The following SLC30A6 variants were observed in gnomAD, a reference collection of about 807,000 sequenced individuals.
The protein encoded by SLC30A6 is zinc transporter 6.
Under a neutral mutation model 63.0 loss-of-function variants are expected in SLC30A6, and 55 were observed. That is an observed-to-expected ratio of 0.87 (90% CI 0.70 to 1.09). The LOEUF is 1.09. Ranked by LOEUF, SLC30A6 falls within the 50% of genes least tolerant of loss-of-function variation. The pLI, the probability that SLC30A6 is intolerant of heterozygous loss-of-function variation, is 0.00. For synonymous variants in SLC30A6, 224 were observed against 186.1 expected (o/e 1.20, Z -1.66); for missense variants, 587 against 549.2 (o/e 1.07, Z -0.69).
intron 4 of SLC30A6, among the ~76,000 whole-genome samples, chr2:32,176,978 G>A (rs1307635394): frequency 6.6e-6 from 1 of 151,622 alleles, no homozygotes; most frequent in African/African-American, 2.4e-5. Flanking sequence ...TCGCCATGTT[G>A]GCCAGGCTGG....
chr2:32,174,572 T>TG (rs11405997), intron 3 of SLC30A6, among the ~76,000 whole-genome samples: 13 of 149,268 alleles, frequency 8.7e-5, no homozygotes, highest in African/African-American at 3.0e-4. Context: ...TTTTTTTTTT[T>TG]GAGACGGAGT....
chr2:32,194,619 A>C (rs755676491), intron 8 of SLC30A6, among the ~76,000 whole-genome samples: 17 of 152,214 alleles, frequency 1.1e-4, no homozygotes, highest in African/African-American at 1.9e-4. Flanking sequence ...TAGAAGTGGG[A>C]TGTGTGCACA....
At chr2:32,189,058 AC>A (rs1429026987) in intron 5 of SLC30A6, among the ~76,000 whole-genome samples, 1 of 152,134 alleles carries the variant, frequency 6.6e-6, no homozygotes, top group African/African-American at 2.4e-5. Context: ...TATAAATAAA[AC>A]TACTTCTGAA....
chr2:32,203,452 A>G (rs1684471927), intron 10 of SLC30A6: 3 of 1,552,618 alleles, frequency 1.9e-6, no homozygotes, highest in Non-Finnish European at 2.7e-6. Flanking sequence ...CAGCTCAGAT[A>G]CTGACAGAAG....
chr2:32,207,128 A>C (rs10172468), intron 12 of SLC30A6, among the ~76,000 whole-genome samples, 195 bp downstream of exon 12: 70,982 of 151,870 alleles, frequency 0.47, 16,788 homozygotes, highest in Admixed American at 0.5. Context: ...TTGGAAATCA[A>C]ATTCACTTGA....
chr2:32,182,432 T>C (rs1197025450), intron 4 of SLC30A6, among the ~76,000 whole-genome samples: 1 of 152,196 alleles, frequency 6.6e-6, no homozygotes, highest in African/African-American at 2.4e-5. Context: ...TGTGAAGTAC[T>C]CTCAAGGAGT....
In SLC30A6 at chr2:32,206,396, A is replaced by G. The variant is rs554175926; in HGVS notation, c.769-490A>G. On this transcript the variant is annotated intron_variant, in intron 11 of 13. Coordinates refer to ENST00000282587, the MANE Select transcript of SLC30A6 (RefSeq NM_017964.5). ...GGGAGGCGGAGCTTGCAGTGAGCCAAGATTGCGCCACTGCATTCCAGCCTG... is the reference window on the plus strand; with the variant it reads ...GGGAGGCGGAGCTTGCAGTGAGCCAGGATTGCGCCACTGCATTCCAGCCTG... Among the ~76,000 whole-genome samples the G allele has an allele frequency of 3.7e-3, 568 of 151,844 alleles. 2 individuals carry two copies. Among genetic ancestry groups the G allele is most frequent in the African/African-American group, 0.013 (544 of 41,392 alleles).
chr2:32,212,227 A>G (rs1685313375), intron 13 of SLC30A6, among the ~76,000 whole-genome samples: 2 of 151,838 alleles, frequency 1.3e-5, no homozygotes. Context: ...CTTGTATTAC[A>G]ATTGTCATCT....
rs1684404395 is a variant in SLC30A6, at chr2:32,202,720, T to A, written c.666-1870T>A. 5.7e-5 allele frequency: 39 copies of A among 688,098 alleles called. No individual in the cohort carries two copies. In the South Asian group the frequency reaches 6.2e-4, roughly 11 times the overall value. 42.6% of individuals were successfully genotyped at this position (688,098 alleles called of 1,614,324 possible). ...GGTTTTGCTGAACAAGTTGAAGATATTATTCATGAATTCTACAAAACTGAT... is the reference window on the plus strand; with the variant it reads ...GGTTTTGCTGAACAAGTTGAAGATAATATTCATGAATTCTACAAAACTGAT... On this transcript the variant is annotated intron_variant, in intron 10 of 13. Transcript: ENST00000282587.
intron 4 of SLC30A6, among the ~76,000 whole-genome samples, chr2:32,181,523 CA>C (rs936096162): frequency 1.3e-5 from 2 of 152,010 alleles, no homozygotes; most frequent in African/African-American, 4.8e-5. Flanking sequence ...TTATTATTAA[CA>C]AATCTTATCT....
intron 8 of SLC30A6, among the ~76,000 whole-genome samples, chr2:32,195,925 C>T (rs992890940): frequency 6.6e-6 from 1 of 152,038 alleles, no homozygotes; most frequent in African/African-American, 2.4e-5. Context: ...TAGCATGTGC[C>T]TCTAGTCCCA....
intron 13 of SLC30A6, among the ~76,000 whole-genome samples, chr2:32,219,555 C>T (rs1243006129): frequency 6.6e-6 from 1 of 152,126 alleles, no homozygotes; most frequent in Non-Finnish European, 1.5e-5. Context: ...CTGCCTCGGT[C>T]TGCCAAGTAG....
At chr2:32,199,541 G>A (rs1573361202) in intron 10 of SLC30A6, among the ~76,000 whole-genome samples, 3 of 152,098 alleles carry the variant, frequency 2.0e-5, no homozygotes, top group African/African-American at 7.2e-5. Flanking sequence ...CCTCAAGGAT[G>A]TATTTTTTCT....
chr2:32,189,281 C>CTTTTTT (rs61221362), intron 5 of SLC30A6, among the ~76,000 whole-genome samples: 3 of 114,874 alleles, frequency 2.6e-5, no homozygotes, highest in Non-Finnish European at 3.5e-5. Context: ...TTGATACTGT[C>CTTTTTT]TTTTTTTTTT....
chr2:32,178,835 AGT>A (rs1682028302), intron 4 of SLC30A6, among the ~76,000 whole-genome samples: 1 of 152,196 alleles, frequency 6.6e-6, no homozygotes, highest in Admixed American at 6.5e-5. Context: ...GAAATTGGAA[AGT>A]GTGGATATTC....
intron 1 of SLC30A6, among the ~76,000 whole-genome samples, chr2:32,168,340 A>C (rs1680871555): frequency 6.6e-6 from 1 of 151,056 alleles, no homozygotes; most frequent in African/African-American, 2.4e-5. Context: ...TAAAATAAAT[A>C]TTTTAAAATA....
At chr2:32,166,063 C>A (rs1427996012) in intron 1 of SLC30A6, among the ~76,000 whole-genome samples, 160 bp downstream of exon 1, 3 of 152,252 alleles carry the variant, frequency 2.0e-5, no homozygotes, top group African/African-American at 7.2e-5. Flanking sequence ...AAATGTTCCC[C>A]TTCAGAGTTC....
intron 6 of SLC30A6, 135 bp downstream of exon 6, chr2:32,192,551 T>A (rs967892617): frequency 3.0e-6 from 2 of 673,426 alleles, no homozygotes; most frequent in South Asian, 4.2e-5. Flanking sequence ...TAGTACACTT[T>A]CTTTATGTTT....
chr2:32,210,904 A>G (rs1685203554), intron 13 of SLC30A6, among the ~76,000 whole-genome samples: 1 of 152,126 alleles, frequency 6.6e-6, no homozygotes. Flanking sequence ...AAGGTGCCAA[A>G]TGACCAGAGT....
Sources: allele counts gnomAD v4.1 joint callset (sites outside exome capture counted in the v4.1 genomes callset), GRCh38; gene constraint gnomAD v4.1.1; transcripts MANE v1.5; gene names NCBI Gene and HGNC (gene_info 2026-07-23, HGNC 2026-07-21).